Variants in GFRA1 observed in about 807,000 individuals in gnomAD.
The protein encoded by GFRA1 is GDNF family receptor alpha-1.
Under a neutral mutation model 51.6 loss-of-function variants are expected in GFRA1, and 16 were observed. The observed-to-expected ratio is 0.31, with a 90% CI of 0.21 to 0.47. GFRA1 has a LOEUF of 0.47. Ranked by LOEUF, GFRA1 falls within the 20% of genes least tolerant of loss-of-function variation. The pLI is 1.00. For synonymous variants in GFRA1, 270 were observed against 241.3 expected (o/e 1.12, Z -1.10); for missense variants, 530 against 594.3 (o/e 0.89, Z 1.13).
chr10:116,073,633 T>C lies in GFRA1; in HGVS notation c.1198-8007A>G, dbSNP rs1412811971. Among the ~76,000 whole-genome samples the C allele has an allele frequency of 4.6e-5, 7 of 152,124 alleles. 1 individual carries two copies. Among genetic ancestry groups the C allele is most frequent in the Admixed American group, 4.6e-4 (7 of 15,272 alleles). On this transcript the variant is annotated intron_variant, in intron 9 of 10. Coordinates refer to ENST00000355422, the MANE Select transcript of GFRA1 (RefSeq NM_005264.8). ...GAGGGATGGCCCTAAAATGAAACAT[T>C]TGTTTTCTCAGAATGTGCAGTTGGG...
At chr10:116,149,306 C>G (rs1958965696) in intron 5 of GFRA1, among the ~76,000 whole-genome samples, 1 of 152,118 alleles carries the variant, frequency 6.6e-6, no homozygotes, top group South Asian at 2.1e-4. Context: ...TGCAGAAAAT[C>G]AAGCTCTTTG....
chr10:116,224,410 A>T (rs937577073), intron 4 of GFRA1, among the ~76,000 whole-genome samples: 4 of 152,270 alleles, frequency 2.6e-5, no homozygotes, highest in Non-Finnish European at 4.4e-5. Context: ...TAGAAGCATT[A>T]GTCATAATAA....
chr10:116,166,000 T>C (rs1960357953), intron 5 of GFRA1, among the ~76,000 whole-genome samples: 1 of 152,174 alleles, frequency 6.6e-6, no homozygotes, highest in Non-Finnish European at 1.5e-5. Context: ...TCTGTGTGTT[T>C]ATGTGTTCTT....
At chr10:116,192,295 G>A (rs1004446399) in intron 5 of GFRA1, among the ~76,000 whole-genome samples, 6 of 152,108 alleles carry the variant, frequency 3.9e-5, no homozygotes, top group African/African-American at 1.2e-4. Context: ...AGGTTTGCCC[G>A]TTGGGTGTGC....
At chr10:116,127,655 C>G (rs990442691) in intron 5 of GFRA1, among the ~76,000 whole-genome samples, 3 of 152,216 alleles carry the variant, frequency 2.0e-5, no homozygotes, top group Non-Finnish European at 4.4e-5. Context: ...TTTCCACACT[C>G]AGGCTTCTCA....
chr10:116,061,699 T>A lies in GFRA1; in HGVS notation c.*2699A>T, dbSNP rs1194542305. ...CCCAAACCTCAGCAGATAACCCCTGTCTTCAGTGGCACCCCAAATGCCCGG... is the reference window on the plus strand; with the variant it reads ...CCCAAACCTCAGCAGATAACCCCTGACTTCAGTGGCACCCCAAATGCCCGG... On this transcript the variant is annotated 3_prime_UTR_variant, in exon 11 of 11. Transcript: ENST00000355422. 6.9e-6 allele frequency: 2 copies of A among 289,042 alleles called. No homozygotes were observed. The highest frequency in any genetic ancestry group is 6.3e-6 in the Non-Finnish European group (1 of 157,624). The allele number at this position is 289,042 out of a possible 1,614,324, so 17.9% of individuals were successfully genotyped here.
At chr10:116,214,857 T>G (rs1400546731) in intron 4 of GFRA1, among the ~76,000 whole-genome samples, 2 of 152,240 alleles carry the variant, frequency 1.3e-5, no homozygotes, top group Admixed American at 1.3e-4. Flanking sequence ...GACTTTATTC[T>G]GTCCACTTCC....
At chr10:116,065,881 C>T (rs186452062) in intron 9 of GFRA1, among the ~76,000 whole-genome samples, 48 of 152,210 alleles carry the variant, frequency 3.2e-4, no homozygotes, top group African/African-American at 1.2e-3. Context: ...AGATACTTTA[C>T]ATTCTTTTTA....
At chr10:116,235,510 C>A (rs1041533339) in intron 4 of GFRA1, among the ~76,000 whole-genome samples, 3 of 152,122 alleles carry the variant, frequency 2.0e-5, no homozygotes, top group African/African-American at 7.2e-5. Context: ...CCATCACCCA[C>A]CCCCAACCCC....
intron 9 of GFRA1, among the ~76,000 whole-genome samples, chr10:116,087,268 G>C (rs1375969017): frequency 7.4e-3 from 1 of 136 alleles, no homozygotes. Flanking sequence ...CAGGATTTGG[G>C]CGGGGGGCGG....
intron 5 of GFRA1, among the ~76,000 whole-genome samples, chr10:116,196,567 T>C (rs1963787137): frequency 1.9e-5 from 1 of 52,736 alleles, no homozygotes; most frequent in Non-Finnish European, 3.7e-5. Context: ...ATACTATATA[T>C]AATATATATA....
chr10:116,188,478 T>C (rs923579985), intron 5 of GFRA1, among the ~76,000 whole-genome samples: 11 of 152,264 alleles, frequency 7.2e-5, no homozygotes, highest in East Asian at 1.9e-4. Flanking sequence ...GAATGAGGGC[T>C]CTCTGTTCAA....
In GFRA1 at chr10:116,238,778, A is replaced by T. The variant is rs1259902553; in HGVS notation, c.419-27133T>A. ...ATCTCTTCTTCCGTGTTTAACTTTC[A>T]ACTATTGACATGCAAAACAAATGGT... On this transcript the variant is annotated intron_variant, in intron 4 of 10. Transcript: ENST00000355422. Among the ~76,000 whole-genome samples the T allele has an allele frequency of 2.0e-5, 3 of 152,338 alleles. No individual in the cohort carries two copies. In the East Asian group the frequency reaches 5.8e-4, roughly 29 times the overall value.
At chr10:116,110,188 G>A (rs59649939) in intron 6 of GFRA1, among the ~76,000 whole-genome samples, 28,648 of 152,178 alleles carry the variant, frequency 0.19, 3,126 homozygotes, top group Admixed American at 0.27. Flanking sequence ...AGGGGGATGA[G>A]ACTTCAGCTA....
At position 116,175,600 on chromosome 10, in the gene GFRA1, G is replaced by A. The variant is rs560554016; in HGVS notation, c.433+36031C>T. ...CTACATTCAAAGCTTCAGAAAAATC[G>A]GCAAGGTAGCCAGCCCAGACCTCTA... On this transcript the variant is annotated intron_variant, in intron 5 of 10. Transcript: ENST00000355422. Among the ~76,000 whole-genome samples the A allele has an allele frequency of 3.4e-4, 52 of 152,212 alleles. 1 individual carries two copies. Among genetic ancestry groups the A allele is most frequent in the Non-Finnish European group, 4.9e-4 (33 of 68,020 alleles).
At chr10:116,145,040 T>G (rs2134109293) in intron 5 of GFRA1, among the ~76,000 whole-genome samples, 1 of 144,702 alleles carries the variant, frequency 6.9e-6, no homozygotes, top group South Asian at 2.2e-4. Flanking sequence ...TCCCAGCTAC[T>G]TGGGAGGCTG....
At chr10:116,206,892 A>G (rs567316117) in intron 5 of GFRA1, among the ~76,000 whole-genome samples, 4 of 151,960 alleles carry the variant, frequency 2.6e-5, no homozygotes, top group Admixed American at 1.3e-4. Context: ...TCGGCCTCCC[A>G]AAGTCCTGGG....
chr10:116,066,680 A>T (rs11593254), intron 9 of GFRA1, among the ~76,000 whole-genome samples: 37,600 of 152,074 alleles, frequency 0.25, 5,394 homozygotes, highest in African/African-American at 0.4. Flanking sequence ...TCAATTCCTA[A>T]ATGAAAATGT....
intron 9 of GFRA1, among the ~76,000 whole-genome samples, chr10:116,065,869 TAA>T: frequency 6.6e-6 from 1 of 152,198 alleles, no homozygotes; most frequent in East Asian, 1.9e-4. Flanking sequence ...TCAATATTAA[TAA>T]GATACTTTAC....
Sources: allele counts gnomAD v4.1 joint callset (sites outside exome capture counted in the v4.1 genomes callset), GRCh38; gene constraint gnomAD v4.1.1; transcripts MANE v1.5; gene names NCBI Gene and HGNC (gene_info 2026-07-23, HGNC 2026-07-21).